Variants in LSR observed in about 807,000 individuals in gnomAD.
LSR encodes lipolysis-stimulated lipoprotein receptor.
Under a neutral mutation model 61.8 loss-of-function variants are expected in LSR, and 44 were observed. The observed-to-expected ratio is 0.71, with a 90% CI of 0.56 to 0.91. The LOEUF (loss-of-function observed/expected upper bound fraction) is 0.91, where lower values mean the gene tolerates loss of function less well. Among genes scored for constraint, LSR ranks in the 40% least tolerant of loss-of-function variants. The pLI, the probability that LSR is intolerant of heterozygous loss-of-function variation, is 0.00. For synonymous variants in LSR, 397 were observed against 350.6 expected (o/e 1.13, Z -1.48); for missense variants, 911 against 830.5 (o/e 1.10, Z -1.19).
chr19:35,267,448 T>G lies in LSR; in HGVS notation c.1484T>G (p.Phe495Cys), dbSNP rs376578385. Residue 495 changes from phenylalanine to cysteine, a missense_variant, in exon 9 of 10, where the codon TTC (phenylalanine) becomes TGC (cysteine). By Grantham distance (205) the Phe-to-Cys change is radical. Coordinates refer to ENST00000605618, the MANE Select transcript of LSR (RefSeq NM_205834.4). ...TATGACCAAGACGACTCGAGGGACTTCCCACGCTCCCGGGACCCCCACTAC... is the reference window on the plus strand; with the variant it reads ...TATGACCAAGACGACTCGAGGGACTGCCCACGCTCCCGGGACCCCCACTAC... ...DLYDQDDSRD[F>C]PRSRDPHYDD... The G allele has an allele frequency of 7.5e-6, 12 of 1,610,362 alleles. No individual in the cohort carries two copies. The highest frequency in any genetic ancestry group is 2.7e-5 in the African/African-American group (2 of 74,826).
chr19:35,266,644 C>T, intron 6 of LSR, 35 bp from the exon 7 acceptor site: 4 of 1,600,466 alleles, frequency 2.5e-6, no homozygotes, highest in Non-Finnish European at 3.4e-6. Flanking sequence ...GGCTCTGCTC[C>T]TGGTGCGCGG....
intron 5 of LSR, chr19:35,263,019 C>T (rs752474182): frequency 6.1e-5 from 14 of 230,140 alleles, no homozygotes; most frequent in Admixed American, 1.1e-4. Flanking sequence ...AGTGATTACG[C>T]CTGTAATCCC....
intron 2 of LSR, 102 bp downstream of exon 2, chr19:35,250,761 C>A: frequency 1.2e-6 from 1 of 854,362 alleles, no homozygotes; most frequent in Non-Finnish European, 1.7e-6. Flanking sequence ...CTCTTGAGTG[C>A]CAGTGTCTGA....
intron 1 of LSR, chr19:35,249,426 G>A: frequency 2.4e-6 from 1 of 417,184 alleles, no homozygotes; most frequent in Non-Finnish European, 4.2e-6. Context: ...GTGGAAGACC[G>A]CCCGATCTCT....
At chr19:35,261,133 G>A (rs777024780) in intron 3 of LSR, among the ~76,000 whole-genome samples, 1 of 152,152 alleles carries the variant, frequency 6.6e-6, no homozygotes, top group Non-Finnish European at 1.5e-5. Context: ...CACAACACTG[G>A]TGGGGCTCAG....
intron 5 of LSR, among the ~76,000 whole-genome samples, chr19:35,263,371 T>G (rs1420063422): frequency 6.6e-6 from 1 of 152,118 alleles, no homozygotes. Context: ...AAAAATTTTT[T>G]TTGTTTTAGA....
rs766052565 is a variant in LSR at position 35,266,489 on chromosome 19, G to GTACCCTGGAGGA, written c.920_931dup (p.Gly307_Gly310dup). The GTACCCTGGAGGA allele has an allele frequency of 8.1e-5, 130 of 1,611,890 alleles. No homozygotes were observed. In the East Asian group the frequency reaches 2.5e-3, roughly 31 times the overall value. ...TTCCCATGGGCCCTGCCTACAACGG[G>GTACCCTGGAGGA]TACCCTGGAGGATACCCTGGAGACG... On this transcript the variant is annotated inframe_insertion, in exon 6 of 10. Transcript: ENST00000605618.
chr19:35,249,433 C>G, intron 1 of LSR: 1 of 404,836 alleles, frequency 2.5e-6, no homozygotes, highest in Non-Finnish European at 4.4e-6. Context: ...ACCGCCCGAT[C>G]TCTGGGAAAA....
Position 35,267,886 on chromosome 19 carries a change from A to G in LSR, c.*27A>G, listed in dbSNP as rs955244549. On this transcript the variant is annotated 3_prime_UTR_variant, in exon 10 of 10. Transcript: ENST00000605618. ...CTGACGTTTTCTACGTAGCTTTTGT[A>G]TTTTTTTTTTTAATTTGAAGGAACA... The G allele has an allele frequency of 1.0e-4, 132 of 1,322,318 alleles. No homozygotes were observed. Among genetic ancestry groups the G allele is most frequent in the Non-Finnish European group, 8.6e-5 (83 of 960,204 alleles). 81.9% of individuals were successfully genotyped at this position (1,322,318 alleles called of 1,614,324 possible). A position where few individuals can be genotyped will look rare whatever the true frequency, so the allele number is the denominator to read the frequency against.
intron 6 of LSR, 73 bp downstream of exon 6, chr19:35,266,605 A>G: frequency 1.2e-6 from 2 of 1,601,800 alleles, no homozygotes; most frequent in Non-Finnish European, 1.7e-6. Context: ...CAGGGGCTGG[A>G]AGGAAGAGTG....
Position 35,267,317 on chromosome 19 carries a change from C to T in LSR, c.1353C>T (p.Asp451=). ...CCCGCTCCGTGGACGCCCTGGACGACCTCACCCCGCCGAGCACCGCCGAGT... is the reference window on the plus strand; with the variant it reads ...CCCGCTCCGTGGACGCCCTGGACGATCTCACCCCGCCGAGCACCGCCGAGT... The part of the protein sequence containing the change: ...PRARSVDALD[D]LTPPSTAESG... The change falls in exon 9 of 10, where the codon GAC becomes GAT. Residue 451 remains aspartate, a synonymous_variant. Transcript: ENST00000605618. 4 of 1,556,968 alleles carry T rather than the reference C, an allele frequency of 2.6e-6. No individual in the cohort carries two copies. The highest frequency in any genetic ancestry group is 3.5e-6 in the Non-Finnish European group (4 of 1,151,664).
At chr19:35,260,956 C>T (rs530045537) in intron 3 of LSR, among the ~76,000 whole-genome samples, 2 of 152,340 alleles carry the variant, frequency 1.3e-5, no homozygotes, top group South Asian at 4.1e-4. Flanking sequence ...CAAATAACAT[C>T]TTAGTGTTAT....
intron 2 of LSR, 67 bp downstream of exon 2, chr19:35,250,726 G>A (rs1010666939): frequency 7.9e-6 from 10 of 1,263,886 alleles, no homozygotes; most frequent in Admixed American, 5.4e-5. Context: ...GTCCTTGTGC[G>A]GGACCTGGAG....
At chr19:35,249,574 G>C (rs1420523945) in intron 1 of LSR, among the ~76,000 whole-genome samples, 1 of 152,122 alleles carries the variant, frequency 6.6e-6, no homozygotes, top group Non-Finnish European at 1.5e-5. Context: ...CTAGGCCTCG[G>C]GTGGGTGTGG....
chr19:35,254,146 T>G (rs920250019), intron 2 of LSR, among the ~76,000 whole-genome samples: 1 of 152,118 alleles, frequency 6.6e-6, no homozygotes, highest in African/African-American at 2.4e-5. Flanking sequence ...CAGGCTGGAG[T>G]GCAGTGGTGC....
At position 35,259,058 on chromosome 19, in the gene LSR, G is replaced by A. The variant is rs775741599; in HGVS notation, c.568G>A (p.Val190Ile). ...GNNEAYAELI[V>I]LGRTSGVAEL... ...CAATGAGGCCTACGCAGAGCTCATC[G>A]TCCTTGGTGAGTGGGCCTGGGAAGG... The change falls in exon 3 of 10, where the codon GTC (valine) becomes ATC (isoleucine). Residue 190 changes from valine to isoleucine, a missense_variant. Val to Ile is a conservative substitution (Grantham distance 29, BLOSUM62 3). Coordinates refer to ENST00000605618, the MANE Select transcript of LSR (RefSeq NM_205834.4). 1.2e-5 allele frequency: 19 copies of A among 1,612,496 alleles called. No individual in the cohort carries two copies. The highest frequency in any genetic ancestry group is 8.8e-5 in the South Asian group (8 of 91,036).
chr19:35,262,796 G>C, intron 5 of LSR, 104 bp downstream of exon 5: 1 of 1,443,216 alleles, frequency 6.9e-7, no homozygotes, highest in Non-Finnish European at 9.3e-7. Flanking sequence ...TGGTCTGGAG[G>C]GTGTGAATTT....
chr19:35,255,987 C>T (rs940939863), intron 2 of LSR, among the ~76,000 whole-genome samples: 1 of 152,178 alleles, frequency 6.6e-6, no homozygotes, highest in African/African-American at 2.4e-5. Flanking sequence ...AATCCCAGCA[C>T]TTTGGGAGGC....
At chr19:35,256,294 AAGTTT>A (rs1227419298) in intron 2 of LSR, among the ~76,000 whole-genome samples, 11 of 152,328 alleles carry the variant, frequency 7.2e-5, no homozygotes, top group African/African-American at 2.6e-4. Context: ...AGAATGAGAA[AAGTTT>A]ACAAAATAGT....
Sources: gnomAD v4.1 joint callset for allele counts (sites outside exome capture counted in the v4.1 genomes callset) on GRCh38, gnomAD v4.1.1 for gene constraint, MANE v1.5 for transcripts, NCBI Gene and HGNC (gene_info 2026-07-23, HGNC 2026-07-21) for gene names.